ASCC3: variants seen among roughly 807,000 people sequenced by gnomAD.
ASCC3 encodes the protein activating signal cointegrator 1 complex subunit 3.
Under a neutral mutation model 256.3 loss-of-function variants are expected in ASCC3, and 158 were observed. The ratio of observed to expected loss-of-function variants is 0.62; its 90% CI spans 0.54 to 0.70. The LOEUF (loss-of-function observed/expected upper bound fraction) is 0.70. ASCC3 is among the 30% of genes least tolerant of loss of function. The probability of loss-of-function intolerance (pLI) is 0.00; values close to 1 mark genes in which losing one functional copy is unlikely to be tolerated. For missense variants in ASCC3, 2,259 were observed against 2,626.0 expected (o/e 0.86, Z 3.05); for synonymous variants, 948 against 883.4 (o/e 1.07, Z -1.30).
intron 8 of ASCC3, among the ~76,000 whole-genome samples, chr6:100,793,038 A>AG (rs1769426823): frequency 1.3e-5 from 2 of 152,126 alleles, no homozygotes; most frequent in African/African-American, 4.8e-5. Flanking sequence ...CATGTGGAGT[A>AG]GTAGTGGATG....
rs1772922158 is a variant in ASCC3, at chr6:100,606,945, A to C, written c.4923+6T>G. On this transcript the variant is annotated splice_donor_region_variant and intron_variant, in intron 31 of 41. Transcript: ENST00000369162. ...AAATATGTGTTCACTGGAGAAAAAA[A>C]AGTACCTGAACTTTACAGTTTACAA... 6 of 1,613,256 alleles carry C rather than the reference A, an allele frequency of 3.7e-6. No homozygotes were observed. The highest frequency in any genetic ancestry group is 5.1e-6 in the Non-Finnish European group (6 of 1,179,586).
At chr6:100,609,700 C>G (rs1016268280) in intron 30 of ASCC3, among the ~76,000 whole-genome samples, 2 of 152,012 alleles carry the variant, frequency 1.3e-5, no homozygotes, top group African/African-American at 4.8e-5. Context: ...GGTTTGAGGT[C>G]AGGAAATCGA....
chr6:100,841,426 C>T (rs1156805057), intron 4 of ASCC3, among the ~76,000 whole-genome samples: 1 of 152,056 alleles, frequency 6.6e-6, no homozygotes, highest in Non-Finnish European at 1.5e-5. Flanking sequence ...ATTGTGAAAA[C>T]TACTTAATTG....
Position 100,799,515 on chromosome 6 carries a change from T to C in ASCC3, c.1185A>G (p.Ala395=), listed in dbSNP as rs1306039837. 1 of 1,613,100 alleles carries C rather than the reference T, an allele frequency of 6.2e-7. No homozygotes were observed. The highest frequency in any genetic ancestry group is 8.5e-7 in the Non-Finnish European group (1 of 1,179,462). ...GGGGATAATGTATTTTTTCAACGTC[T>C]GCATCTCTCTGCCTGCTCAGAATTG... ...SVPILSRQRD[A]DVEKIHYPHV... The change falls in exon 7 of 42, where the codon GCA becomes GCG. Residue 395 remains alanine, a synonymous_variant. Coordinates refer to ENST00000369162, the MANE Select transcript of ASCC3 (RefSeq NM_006828.4).
At chr6:100,767,616 GTT>G (rs35868621) in intron 8 of ASCC3, among the ~76,000 whole-genome samples, 4 of 150,182 alleles carry the variant, frequency 2.7e-5, no homozygotes, top group South Asian at 2.1e-4. Context: ...GGTTTTTTTG[GTT>G]TTTTTTTTGA....
Position 100,864,167 on chromosome 6 carries a change from T to C in ASCC3, c.138A>G (p.Thr46=), listed in dbSNP as rs1479525033. The C allele has an allele frequency of 1.2e-6, 2 of 1,607,824 alleles. No homozygotes were observed. Among genetic ancestry groups the C allele is most frequent in the South Asian group, 1.1e-5 (1 of 90,896 alleles). Residue 46 remains threonine (T), a synonymous_variant, in exon 3 of 42, where the codon ACA becomes ACG. Coordinates refer to ENST00000369162, the MANE Select transcript of ASCC3 (RefSeq NM_006828.4). ...TCAAAAATTTTATTATCTTCTTCCA[T>C]GTCAGGCCCAAATCTAAAACTTGTT... is the stretch of plus-strand genomic sequence containing the variant. ...LHEQVLDLGL[T]WKKIIKFLNE...
rs534180550 is a variant in ASCC3, at chr6:100,550,030, T to C, written c.5551-9643A>G. Among the ~76,000 whole-genome samples, 11 of 152,042 alleles carry C rather than the reference T, an allele frequency of 7.2e-5. No individual in the cohort carries two copies. In the East Asian group the frequency reaches 1.9e-3, roughly 27 times the overall value. On this transcript the variant is annotated intron_variant, in intron 36 of 41. Transcript: ENST00000369162. ...ATGAGAAGAATGATGATGCTATTAG[T>C]AGCAGTGGAGTTGGGAACATCCATG...
At chr6:100,701,746 A>C (rs754166225) in intron 13 of ASCC3, among the ~76,000 whole-genome samples, 32 of 152,146 alleles carry the variant, frequency 2.1e-4, no homozygotes, top group Non-Finnish European at 4.0e-4. Context: ...TTATAATAAG[A>C]AGGTGACAGT....
intron 8 of ASCC3, 64 bp downstream of exon 8, chr6:100,798,649 A>G: frequency 6.2e-7 from 1 of 1,604,074 alleles, no homozygotes; most frequent in South Asian, 1.1e-5. Flanking sequence ...TTTTTCCAGT[A>G]TAAATTCATT....
At position 100,568,240 on chromosome 6, in the gene ASCC3, C is replaced by T. The variant is rs564117445; in HGVS notation, c.5550+21394G>A. 4.0e-5 allele frequency among the ~76,000 whole-genome samples: 6 copies of T among 151,894 alleles called. No individual in the cohort carries two copies. The East Asian group carries it at 5.8e-4, about 15-fold the overall frequency. ...AAAATTAGCCAGGCATGGTGGTGGGCGCCTATAATCCCAGCTACTAGGGAG... is the reference window on the plus strand; with the variant it reads ...AAAATTAGCCAGGCATGGTGGTGGGTGCCTATAATCCCAGCTACTAGGGAG... On this transcript the variant is annotated intron_variant, in intron 36 of 41. Coordinates refer to ENST00000369162, the MANE Select transcript of ASCC3 (RefSeq NM_006828.4).
At chr6:100,657,224 A>G (rs1274223683) in intron 16 of ASCC3, among the ~76,000 whole-genome samples, 3 of 151,448 alleles carry the variant, frequency 2.0e-5, no homozygotes, top group Non-Finnish European at 4.4e-5. Flanking sequence ...TCTGTCTACT[A>G]ACTTTTAAAT....
At chr6:100,834,087 A>T (rs1285993723) in intron 4 of ASCC3, among the ~76,000 whole-genome samples, 1 of 152,158 alleles carries the variant, frequency 6.6e-6, no homozygotes, top group Non-Finnish European at 1.5e-5. Context: ...TTATCTAGCT[A>T]AATGTCTTAT....
intron 36 of ASCC3, among the ~76,000 whole-genome samples, chr6:100,552,492 C>G (rs984901945): frequency 6.6e-6 from 1 of 152,042 alleles, no homozygotes; most frequent in South Asian, 2.1e-4. Context: ...AAGAGACAGT[C>G]AAATTCAAGA....
chr6:100,858,721 T>G (rs762357721), intron 3 of ASCC3: 41 of 1,060,852 alleles, frequency 3.9e-5, no homozygotes, highest in Non-Finnish European at 4.7e-5. Flanking sequence ...GAGATACCAC[T>G]ATATATACTG....
intron 36 of ASCC3, among the ~76,000 whole-genome samples, chr6:100,588,086 C>T (rs1050644158): frequency 6.6e-6 from 1 of 151,964 alleles, no homozygotes; most frequent in Non-Finnish European, 1.5e-5. Context: ...GGTTTCAGGG[C>T]CCATACTCTG....
intron 36 of ASCC3, among the ~76,000 whole-genome samples, chr6:100,562,906 GTA>G (rs1770030594): frequency 6.6e-6 from 1 of 151,984 alleles, no homozygotes; most frequent in South Asian, 2.1e-4. Flanking sequence ...TCATCAGTAT[GTA>G]TTATCCTTTT....
chr6:100,593,728 G>A (rs564328707), intron 34 of ASCC3, among the ~76,000 whole-genome samples: 315 of 152,186 alleles, frequency 2.1e-3, no homozygotes, highest in Non-Finnish European at 3.7e-3. Context: ...TTCAGATTAT[G>A]CAGCAATAAC....
At chr6:100,689,515 A>G (rs1286390651) in intron 13 of ASCC3, among the ~76,000 whole-genome samples, 1 of 152,160 alleles carries the variant, frequency 6.6e-6, no homozygotes, top group Non-Finnish European at 1.5e-5. Flanking sequence ...ACATTTTGCT[A>G]ATTTTGAGGT....
chr6:100,551,164 G>T (rs1769280150), intron 36 of ASCC3, among the ~76,000 whole-genome samples: 1 of 151,794 alleles, frequency 6.6e-6, no homozygotes, highest in African/African-American at 2.4e-5. Context: ...TAACCACAAG[G>T]TCTTACTGGG....
Sources: allele counts gnomAD v4.1 joint callset (sites outside exome capture counted in the v4.1 genomes callset), GRCh38; gene constraint gnomAD v4.1.1; transcripts MANE v1.5; gene names NCBI Gene and HGNC (gene_info 2026-07-23, HGNC 2026-07-21).